The following SNX29 variants were observed in gnomAD, a reference collection of about 807,000 sequenced individuals.
The protein encoded by SNX29 is sorting nexin-29.
SNX29 carries 78 observed loss-of-function variants against 102.1 expected under a neutral mutation model. That is an observed-to-expected ratio of 0.76 (90% CI 0.64 to 0.92). The LOEUF (loss-of-function observed/expected upper bound fraction) is 0.92. SNX29 is among the 40% of genes least tolerant of loss of function. The probability of loss-of-function intolerance (pLI) is 0.00; values close to 1 mark genes in which losing one functional copy is unlikely to be tolerated. For missense variants in SNX29, 1,280 were observed against 1,061.7 expected (o/e 1.21, Z -2.86); for synonymous variants, 580 against 414.5 (o/e 1.40, Z -4.85).
chr16:12,510,090 G>T (rs751319653), intron 19 of SNX29, among the ~76,000 whole-genome samples: 1 of 152,230 alleles, frequency 6.6e-6, no homozygotes, highest in Non-Finnish European at 1.5e-5. Context: ...CTGCCTCCGG[G>T]ACTGTTGATT....
At chr16:12,054,942 C>T (rs905076074) in intron 8 of SNX29, among the ~76,000 whole-genome samples, 4 of 152,188 alleles carry the variant, frequency 2.6e-5, no homozygotes, top group African/African-American at 9.7e-5. Context: ...AATATTTTCA[C>T]ACGCAAGATT....
At chr16:12,443,151 T>C (rs1250064908) in intron 18 of SNX29, 16 of 399,412 alleles carry the variant, frequency 4.0e-5, no homozygotes. Flanking sequence ...GCCTAGGGCC[T>C]GCGTGGGCTT....
intron 14 of SNX29, among the ~76,000 whole-genome samples, chr16:12,271,101 C>G (rs1340214554): frequency 6.6e-6 from 1 of 152,210 alleles, no homozygotes; most frequent in Non-Finnish European, 1.5e-5. Context: ...ATTAAAGACT[C>G]TACGTTGGTT....
chr16:12,225,178 C>G (rs1415154480), intron 14 of SNX29, among the ~76,000 whole-genome samples: 1 of 152,094 alleles, frequency 6.6e-6, no homozygotes, highest in Non-Finnish European at 1.5e-5. Flanking sequence ...TTGATATTAT[C>G]TTTTGATCAG....
intron 11 of SNX29, among the ~76,000 whole-genome samples, chr16:12,109,127 C>CAAAAAAAAA (rs71139575): frequency 9.0e-5 from 3 of 33,308 alleles, no homozygotes; most frequent in African/African-American, 4.2e-4. Flanking sequence ...GGCGCTGTCT[C>CAAAAAAAAA]AAAAAAAAAA....
chr16:12,359,477 C>G (rs1597065647), intron 16 of SNX29, among the ~76,000 whole-genome samples: 1 of 152,198 alleles, frequency 6.6e-6, no homozygotes, highest in South Asian at 2.1e-4. Context: ...TTCTACTGCA[C>G]AGTATTTGGT....
chr16:12,456,488 C>T (rs1247580903), intron 18 of SNX29, among the ~76,000 whole-genome samples: 2 of 150,776 alleles, frequency 1.3e-5, no homozygotes, highest in African/African-American at 4.9e-5. Context: ...AGGGTGTATA[C>T]TGGGTGGCAT....
intron 17 of SNX29, among the ~76,000 whole-genome samples, chr16:12,402,459 G>A (rs1024916257): frequency 2.0e-5 from 3 of 152,212 alleles, no homozygotes; most frequent in African/African-American, 7.2e-5. Context: ...CTAATTAGAG[G>A]CGAAGGCCGG....
In SNX29 at chr16:12,571,126, A is replaced by C. The variant is rs151021585; in HGVS notation, c.*2497A>C. The C allele has an allele frequency of 2.0e-3, 470 of 232,666 alleles. 2 individuals are homozygous for C. The highest frequency in any genetic ancestry group is 9.6e-3 in the African/African-American group (436 of 45,414). The allele number at this position is 232,666 out of a possible 1,614,324, so 14.4% of individuals were successfully genotyped here. On this transcript the variant is annotated 3_prime_UTR_variant, in exon 21 of 21. Transcript: ENST00000566228. ...TTTGGAATCCCATAGAATGTTCTGCAATGATTGGGTCCATCTTGCTGCTCA... is the reference window on the plus strand; with the variant it reads ...TTTGGAATCCCATAGAATGTTCTGCCATGATTGGGTCCATCTTGCTGCTCA...
chr16:12,146,188 C>T (rs1167213029), intron 13 of SNX29, among the ~76,000 whole-genome samples: 1 of 152,116 alleles, frequency 6.6e-6, no homozygotes, highest in African/African-American at 2.4e-5. Context: ...ATCTCAGTAT[C>T]TGTGTGTATT....
intron 1 of SNX29, among the ~76,000 whole-genome samples, chr16:11,981,190 G>C (rs922370075): frequency 5.9e-5 from 9 of 151,956 alleles, no homozygotes; most frequent in African/African-American, 2.2e-4. Context: ...GGCTGGTCTC[G>C]AACTCCTGGC....
Position 12,517,515 on chromosome 16 carries a change from T to C in SNX29, c.2179-7187T>C, listed in dbSNP as rs115913469. On this transcript the variant is annotated intron_variant, in intron 19 of 20. Transcript: ENST00000566228. ...ATCTTTGTTCTCTCTCTCTGGACTTTCGCAACATCCTCCAGGCCATTCTTC... is the reference window on the plus strand; with the variant it reads ...ATCTTTGTTCTCTCTCTCTGGACTTCCGCAACATCCTCCAGGCCATTCTTC... Among the ~76,000 whole-genome samples the C allele has an allele frequency of 7.8e-3, 1,185 of 152,336 alleles. 12 individuals carry two copies. The highest frequency in any genetic ancestry group is 0.027 in the African/African-American group (1,113 of 41,586).
chr16:12,051,682 T>G (rs1364450204), intron 7 of SNX29, among the ~76,000 whole-genome samples, 165 bp from the exon 8 acceptor site: 1 of 152,246 alleles, frequency 6.6e-6, no homozygotes, highest in Non-Finnish European at 1.5e-5. Flanking sequence ...TGCTCAATCT[T>G]CTGTACACAG....
chr16:12,353,009 G>C (rs1470265340), intron 15 of SNX29, among the ~76,000 whole-genome samples: 1 of 152,178 alleles, frequency 6.6e-6, no homozygotes, highest in African/African-American at 2.4e-5. Flanking sequence ...ATGGGAGGCT[G>C]CCTGGCATGT....
chr16:12,043,979 CCA>C (rs1210474549), intron 5 of SNX29, among the ~76,000 whole-genome samples: 3 of 152,194 alleles, frequency 2.0e-5, no homozygotes. Flanking sequence ...GTCTTGAACT[CCA>C]GACCTCAGGT....
intron 20 of SNX29, among the ~76,000 whole-genome samples, chr16:12,565,637 C>T (rs56985826): frequency 1.8e-4 from 27 of 152,362 alleles, no homozygotes; most frequent in African/African-American, 6.0e-4. Flanking sequence ...AGACATGTGA[C>T]ACATATAGCC....
rs557937750 is a variant in SNX29 at position 12,242,446 on chromosome 16, C to G, written c.1679-35487C>G. On this transcript the variant is annotated intron_variant, in intron 14 of 20. Coordinates refer to ENST00000566228, the MANE Select transcript of SNX29 (RefSeq NM_032167.5). ...TGTGAGTCTTGATGTTCATAGTCCACTTGTCTTTTATCTGGAAAGTGGCCA... is the reference window on the plus strand; with the variant it reads ...TGTGAGTCTTGATGTTCATAGTCCAGTTGTCTTTTATCTGGAAAGTGGCCA... Among the ~76,000 whole-genome samples, 4 of 149,160 alleles carry G rather than the reference C, an allele frequency of 2.7e-5. No homozygotes were observed. In the South Asian group the frequency reaches 8.4e-4, roughly 32 times the overall value.
chr16:12,562,308 C>T (rs914344560), intron 20 of SNX29, among the ~76,000 whole-genome samples: 2 of 152,192 alleles, frequency 1.3e-5, no homozygotes, highest in African/African-American at 4.8e-5. Context: ...TTATCGTTGG[C>T]TTTGTCCCAA....
chr16:12,539,995 T>C (rs2077254739), intron 20 of SNX29, among the ~76,000 whole-genome samples: 2 of 152,044 alleles, frequency 1.3e-5, no homozygotes, highest in Admixed American at 1.3e-4. Flanking sequence ...CTTCAGCTTC[T>C]TTTCAGTGTC....
Sources: gnomAD v4.1 joint callset for allele counts (sites outside exome capture counted in the v4.1 genomes callset) on GRCh38, gnomAD v4.1.1 for gene constraint, MANE v1.5 for transcripts, NCBI Gene and HGNC (gene_info 2026-07-23, HGNC 2026-07-21) for gene names.